Variants in DACH1 observed in about 807,000 individuals in gnomAD.
DACH1 encodes the protein dachshund family transcription factor 1.
Under a neutral mutation model 54.2 loss-of-function variants are expected in DACH1, and 12 were observed. The ratio of observed to expected loss-of-function variants is 0.22; its 90% confidence interval spans 0.14 to 0.36. DACH1 has a LOEUF of 0.36. Among genes scored for constraint, DACH1 ranks in the 10% least tolerant of loss-of-function variants. The probability of loss-of-function intolerance (pLI) is 1.00; values close to 1 mark genes in which losing one functional copy is unlikely to be tolerated. For missense variants in DACH1, 805 were observed against 929.8 expected, an observed-to-expected ratio of 0.87 and a Z score of 1.75; for synonymous variants, 386 against 366.2, an observed-to-expected ratio of 1.05 and a Z score of -0.62.
At chr13:71,757,869 G>A (rs535525073) in intron 1 of DACH1, among the ~76,000 whole-genome samples, 1 of 152,080 alleles carries the variant, frequency 6.6e-6, no homozygotes, top group East Asian at 1.9e-4. Flanking sequence ...TAATCACAAT[G>A]GCATTTCTGT....
intron 2 of DACH1, chr13:71,675,151 G>T (rs1594083356): frequency 3.8e-6 from 6 of 1,579,018 alleles, no homozygotes; most frequent in East Asian, 4.5e-5. Flanking sequence ...TCGCAAGAGT[G>T]CGCCCTCTAC....
At chr13:71,552,920 C>A (rs1744984877) in intron 6 of DACH1, among the ~76,000 whole-genome samples, 1 of 142,458 alleles carries the variant, frequency 7.0e-6, no homozygotes, top group Non-Finnish European at 1.5e-5. Context: ...GTAGCTCACG[C>A]CCTGTAATCT....
At chr13:71,827,704 A>C (rs781541509) in intron 1 of DACH1, among the ~76,000 whole-genome samples, 1 of 152,096 alleles carries the variant, frequency 6.6e-6, no homozygotes, top group Non-Finnish European at 1.5e-5. Flanking sequence ...AATTTAATTT[A>C]TGTCACTAAT....
chr13:71,685,052 A>G (rs1026420761), intron 1 of DACH1, among the ~76,000 whole-genome samples: 2 of 152,180 alleles, frequency 1.3e-5, no homozygotes, highest in African/African-American at 4.8e-5. Flanking sequence ...TAGCCCTTTA[A>G]CTTGTTTTGA....
At chr13:71,792,028 C>G (rs924189636) in intron 1 of DACH1, among the ~76,000 whole-genome samples, 1 of 152,132 alleles carries the variant, frequency 6.6e-6, no homozygotes, top group Non-Finnish European at 1.5e-5. Context: ...TGATGTATGT[C>G]TTTGCATTTC....
intron 6 of DACH1, among the ~76,000 whole-genome samples, chr13:71,533,935 T>TA (rs1305195168): frequency 6.6e-6 from 1 of 152,094 alleles, no homozygotes; most frequent in Non-Finnish European, 1.5e-5. Context: ...AAGACTTACA[T>TA]AAACACATGA....
chr13:71,546,038 T>C (rs182990567), intron 6 of DACH1, among the ~76,000 whole-genome samples: 9 of 152,166 alleles, frequency 5.9e-5, no homozygotes, highest in African/African-American at 2.2e-4. Flanking sequence ...GGAATTCCCT[T>C]TAGGTAGTGA....
At chr13:71,755,111 C>G (rs1040649096) in intron 1 of DACH1, among the ~76,000 whole-genome samples, 17 of 152,274 alleles carry the variant, frequency 1.1e-4, no homozygotes, top group African/African-American at 4.1e-4. Context: ...CTCCACTTGG[C>G]TAATACTGAA....
At chr13:71,477,422 A>T (rs1877671504) in intron 8 of DACH1, among the ~76,000 whole-genome samples, 1 of 151,806 alleles carries the variant, frequency 6.6e-6, no homozygotes, top group Admixed American at 6.6e-5. Flanking sequence ...TGCCCGGCCT[A>T]TTATTAATAT....
intron 1 of DACH1, among the ~76,000 whole-genome samples, chr13:71,748,772 A>G (rs1409486277): frequency 6.6e-6 from 1 of 152,168 alleles, no homozygotes; most frequent in Non-Finnish European, 1.5e-5. Flanking sequence ...TAACTAATAT[A>G]TCATCTTTCA....
intron 1 of DACH1, among the ~76,000 whole-genome samples, chr13:71,797,993 C>T (rs1204668375): frequency 6.6e-6 from 1 of 152,004 alleles, no homozygotes; most frequent in Non-Finnish European, 1.5e-5. Flanking sequence ...AGAGAAGTTG[C>T]TCCGATTTTT....
At chr13:71,643,568 C>T (rs1878056653) in intron 2 of DACH1, among the ~76,000 whole-genome samples, 1 of 152,114 alleles carries the variant, frequency 6.6e-6, no homozygotes, top group Admixed American at 6.5e-5. Flanking sequence ...GTTACTTTAT[C>T]TAATCAAAGG....
At chr13:71,606,555 T>C (rs2138505668) in intron 3 of DACH1, among the ~76,000 whole-genome samples, 1 of 152,168 alleles carries the variant, frequency 6.6e-6, no homozygotes, top group South Asian at 2.1e-4. Flanking sequence ...ATTTATGTTG[T>C]GGAAAATTGG....
chr13:71,483,303 G>A (rs934786863), intron 7 of DACH1, among the ~76,000 whole-genome samples: 3 of 148,880 alleles, frequency 2.0e-5, no homozygotes, highest in Admixed American at 6.7e-5. Flanking sequence ...TGAATTCAAC[G>A]TCTATTTTGT....
intron 2 of DACH1, among the ~76,000 whole-genome samples, chr13:71,648,496 C>T (rs973964219): frequency 6.6e-6 from 1 of 152,008 alleles, no homozygotes; most frequent in African/African-American, 2.4e-5. Context: ...GCCATTTTCT[C>T]CTCTTAATGT....
At position 71,490,483 on chromosome 13, in the gene DACH1, C is replaced by T. The variant is rs574939178; in HGVS notation, c.1571-1335G>A. 9.8e-5 allele frequency among the ~76,000 whole-genome samples: 15 copies of T among 152,330 alleles called. No individual in the cohort carries two copies. In the South Asian group the frequency reaches 2.7e-3, roughly 27 times the overall value. On this transcript the variant is annotated intron_variant, in intron 6 of 10. Coordinates refer to ENST00000613252, the MANE Select transcript of DACH1 (RefSeq NM_080759.6). Reference sequence around the variant, plus strand: ...CTCCTATTAACTCCTCTCACACTCACGACTTTGCAGTTTCTCCTTCTACTT... The same window carrying T: ...CTCCTATTAACTCCTCTCACACTCATGACTTTGCAGTTTCTCCTTCTACTT...
chr13:71,722,077 T>G (rs1261070569), intron 1 of DACH1, among the ~76,000 whole-genome samples: 2 of 152,184 alleles, frequency 1.3e-5, no homozygotes, highest in African/African-American at 4.8e-5. Context: ...GTAATATTCC[T>G]TAGCAGTATA....
In DACH1 at chr13:71,614,451, G is replaced by GA. The variant is rs908408174; in HGVS notation, c.1126+16104dup. 4.0e-5 allele frequency among the ~76,000 whole-genome samples: 6 copies of GA among 151,534 alleles called. No homozygotes were observed. The South Asian group carries it at 6.3e-4, about 16-fold the overall frequency. On this transcript the variant is annotated intron_variant, in intron 3 of 10. Transcript: ENST00000613252. Reference sequence around the variant, plus strand: ...TGTCCAAGAAATTATGCACATGGAGGAAAAAAAACCCAAATTTCAGTTACT... The same window carrying GA: ...TGTCCAAGAAATTATGCACATGGAGGAAAAAAAAACCCAAATTTCAGTTACT...
chr13:71,769,758 T>C (rs1024791736), intron 1 of DACH1, among the ~76,000 whole-genome samples: 9 of 151,838 alleles, frequency 5.9e-5, no homozygotes, highest in African/African-American at 1.7e-4. Flanking sequence ...CAATAAATGA[T>C]AATCTCATAA....
Sources: gnomAD v4.1 joint callset for allele counts (sites outside exome capture counted in the v4.1 genomes callset) on GRCh38, gnomAD v4.1.1 for gene constraint, MANE v1.5 for transcripts, NCBI Gene and HGNC (gene_info 2026-07-23, HGNC 2026-07-21) for gene names.